Variants in DDX10 observed in about 807,000 individuals in gnomAD.
DDX10 encodes the protein DEAD-box helicase 10.
Under a neutral mutation model 104.3 loss-of-function variants are expected in DDX10, and 74 were observed. That is an observed-to-expected ratio of 0.71 (90% CI 0.59 to 0.86). The LOEUF (loss-of-function observed/expected upper bound fraction) is 0.86. Ranked by LOEUF, DDX10 falls within the 40% of genes least tolerant of loss-of-function variation. The probability of loss-of-function intolerance (pLI) is 0.00; values close to 1 mark genes in which losing one functional copy is unlikely to be tolerated. For synonymous variants in DDX10, 351 were observed against 353.4 expected (o/e 0.99, Z 0.08); for missense variants, 952 against 1,040.0 (o/e 0.92, Z 1.16).
chr11:108,841,991 A>G (rs1020241837), intron 15 of DDX10, among the ~76,000 whole-genome samples: 2 of 152,188 alleles, frequency 1.3e-5, no homozygotes, highest in Middle Eastern at 3.2e-3. Context: ...TTGTTTCACC[A>G]TTCAACCATT....
intron 13 of DDX10, among the ~76,000 whole-genome samples, chr11:108,837,430 G>T (rs966284142): frequency 6.6e-6 from 1 of 151,920 alleles, no homozygotes; most frequent in Non-Finnish European, 1.5e-5. Flanking sequence ...ATCAAAGCAG[G>T]TTATGCTATG....
intron 17 of DDX10, 151 bp from the exon 18 acceptor site, chr11:108,940,095 A>G (rs1864087240): frequency 3.7e-6 from 3 of 808,860 alleles, no homozygotes; most frequent in Non-Finnish European, 5.7e-6. Context: ...ATGGGAAGGT[A>G]CTTACTAATT....
intron 16 of DDX10, among the ~76,000 whole-genome samples, chr11:108,852,603 A>G (rs1222418033): frequency 6.6e-6 from 1 of 152,224 alleles, no homozygotes; most frequent in Non-Finnish European, 1.5e-5. Flanking sequence ...ACCCAACCTC[A>G]TAACAGGTAA....
At chr11:108,734,837 G>C (rs2134488759) in intron 13 of DDX10, among the ~76,000 whole-genome samples, 1 of 152,282 alleles carries the variant, frequency 6.6e-6, no homozygotes, top group African/African-American at 2.4e-5. Flanking sequence ...TTAGAAATAA[G>C]GAGTTTTCAA....
intron 12 of DDX10, among the ~76,000 whole-genome samples, chr11:108,722,742 G>A (rs2134475791): frequency 6.6e-6 from 1 of 152,234 alleles, no homozygotes; most frequent in South Asian, 2.1e-4. Context: ...CTTGTTTCTG[G>A]TCCAGTGCTC....
intron 13 of DDX10, among the ~76,000 whole-genome samples, chr11:108,771,058 T>C (rs548761349): frequency 6.6e-6 from 1 of 152,346 alleles, no homozygotes; most frequent in African/African-American, 2.4e-5. Context: ...TGGGGTGAGA[T>C]GATAACCTCA....
intron 13 of DDX10, among the ~76,000 whole-genome samples, chr11:108,757,192 G>A (rs1175567290): frequency 6.6e-6 from 1 of 151,924 alleles, no homozygotes; most frequent in Non-Finnish European, 1.5e-5. Flanking sequence ...CTTCACCTCT[G>A]TCTTCTTCCT....
intron 17 of DDX10, among the ~76,000 whole-genome samples, chr11:108,930,162 C>T (rs1248563501): frequency 6.6e-6 from 1 of 152,214 alleles, no homozygotes; most frequent in Non-Finnish European, 1.5e-5. Flanking sequence ...ACCTATCTAT[C>T]CTTCTCTTTC....
At chr11:108,821,629 T>G (rs1388060241) in intron 13 of DDX10, among the ~76,000 whole-genome samples, 1 of 152,084 alleles carries the variant, frequency 6.6e-6, no homozygotes, top group Non-Finnish European at 1.5e-5. Flanking sequence ...GGTATAGAGT[T>G]TTTTTCTGTC....
At chr11:108,862,553 T>G (rs1350489357) in intron 16 of DDX10, among the ~76,000 whole-genome samples, 1 of 152,236 alleles carries the variant, frequency 6.6e-6, no homozygotes, top group Admixed American at 6.5e-5. Context: ...ATCCCCTTGT[T>G]CCAAGAAGTG....
At chr11:108,737,860 C>T (rs1370691066) in intron 13 of DDX10, among the ~76,000 whole-genome samples, 5 of 152,086 alleles carry the variant, frequency 3.3e-5, no homozygotes, top group South Asian at 4.1e-4. Context: ...GGCCTATTTC[C>T]TATTATATCT....
At chr11:108,718,685 C>CA (rs2094294532) in intron 11 of DDX10, among the ~76,000 whole-genome samples, 1 of 152,180 alleles carries the variant, frequency 6.6e-6, no homozygotes, top group Non-Finnish European at 1.5e-5. Flanking sequence ...TATTGGTTGT[C>CA]ACGCATGGTT....
intron 13 of DDX10, among the ~76,000 whole-genome samples, chr11:108,836,799 A>AT (rs1425350709): frequency 1.1e-4 from 16 of 152,220 alleles, no homozygotes; most frequent in African/African-American, 3.6e-4. Context: ...TTGGTGGTTT[A>AT]TTTTTAAGCA....
intron 16 of DDX10, among the ~76,000 whole-genome samples, chr11:108,864,053 G>C (rs921344292): frequency 1.3e-5 from 2 of 152,196 alleles, no homozygotes; most frequent in African/African-American, 2.4e-5. Flanking sequence ...AACAGTAGTG[G>C]TGTTGCCTGC....
rs1861978288 is a variant in DDX10 at position 108,798,639 on chromosome 11, AAT to A, written c.1966-39804_1966-39803del. Among the ~76,000 whole-genome samples the A allele has an allele frequency of 2.6e-5, 4 of 152,270 alleles. No homozygotes were observed. In the South Asian group the frequency reaches 8.3e-4, roughly 32 times the overall value. On this transcript the variant is annotated intron_variant, in intron 13 of 17. Coordinates refer to ENST00000322536, the MANE Select transcript of DDX10 (RefSeq NM_004398.4). ...AGAATTTCTTCCCTTTTTAAGGTTG[AAT>A]ATCAAATCTTGTACGAGCGGTTTTG...
rs1279053519 is a variant in DDX10 at position 108,917,965 on chromosome 11, T to TAA, written c.2399_2400dup (p.Tyr801AsnfsTer17). The TAA allele has an allele frequency of 6.2e-7, 1 of 1,613,428 alleles. No homozygotes were observed. Among genetic ancestry groups the TAA allele is most frequent in the Non-Finnish European group, 8.5e-7 (1 of 1,179,924 alleles). On this transcript the variant is annotated frameshift_variant, in exon 17 of 18. Transcript: ENST00000322536. LOFTEE classifies it high-confidence loss of function. ...ATCCAAGCACACTCCCAGATCCAGA[T>TAA]AAATACAGAAGCTCTGAAGATTCAG... is the stretch of plus-strand genomic sequence containing the variant.
chr11:108,865,885 A>G (rs548708995), intron 16 of DDX10, among the ~76,000 whole-genome samples: 1 of 152,210 alleles, frequency 6.6e-6, no homozygotes, highest in South Asian at 2.1e-4. Flanking sequence ...CATGATAGAG[A>G]AGTTTTGGGA....
intron 16 of DDX10, among the ~76,000 whole-genome samples, chr11:108,892,348 C>T (rs375573159): frequency 1.4e-4 from 21 of 152,240 alleles, no homozygotes; most frequent in Admixed American, 9.8e-4. Context: ...CCTCTGGAGG[C>T]GGTCTGAGGC....
chr11:108,803,484 C>T (rs1162851377), intron 13 of DDX10, among the ~76,000 whole-genome samples: 1 of 151,222 alleles, frequency 6.6e-6, no homozygotes, highest in Non-Finnish European at 1.5e-5. Flanking sequence ...ATCCCAGCTA[C>T]TCCGGAGGCT....
Sources: allele counts gnomAD v4.1 joint callset (sites outside exome capture counted in the v4.1 genomes callset), GRCh38; gene constraint gnomAD v4.1.1; transcripts MANE v1.5; gene names NCBI Gene and HGNC (gene_info 2026-07-23, HGNC 2026-07-21).